The following KHDRBS3 variants were observed in gnomAD, a reference collection of about 807,000 sequenced individuals.
KHDRBS3 encodes the protein KH RNA binding domain containing, signal transduction associated 3.
Under a neutral mutation model 45.6 loss-of-function variants are expected in KHDRBS3, and 23 were observed. That is an observed-to-expected ratio of 0.50 (90% CI 0.36 to 0.72). The LOEUF (loss-of-function observed/expected upper bound fraction) is 0.72, where lower values mean the gene tolerates loss of function less well. Among genes scored for constraint, KHDRBS3 ranks in the 30% least tolerant of loss-of-function variants. The pLI, the probability that KHDRBS3 is intolerant of heterozygous loss-of-function variation, is 0.00. For missense variants in KHDRBS3, 352 were observed against 424.8 expected, an observed-to-expected ratio of 0.83 and a Z score of 1.51; for synonymous variants, 162 against 156.5, an observed-to-expected ratio of 1.04 and a Z score of -0.26.
In KHDRBS3 at chr8:135,598,375, G is replaced by T. The variant is rs1324211476; in HGVS notation, c.808-8580G>T. Among the ~76,000 whole-genome samples, 7 of 152,214 alleles carry T rather than the reference G, an allele frequency of 4.6e-5. No homozygotes were observed. In the East Asian group the frequency reaches 1.3e-3, roughly 29 times the overall value. On this transcript the variant is annotated intron_variant, in intron 6 of 8. Coordinates refer to ENST00000355849, the MANE Select transcript of KHDRBS3 (RefSeq NM_006558.3). ...TGGTAACAACCAGGAGGTATATTAT[G>T]ATTACCATTTTGCAAATTTTAAAAT...
intron 1 of KHDRBS3, among the ~76,000 whole-genome samples, chr8:135,486,239 A>G (rs1206110511): frequency 6.6e-6 from 1 of 152,146 alleles, no homozygotes; most frequent in African/African-American, 2.4e-5. Context: ...TTTTTTCTCT[A>G]GAATGGAAGC....
At chr8:135,559,267 C>A (rs1191589946) in intron 5 of KHDRBS3, among the ~76,000 whole-genome samples, 7 of 152,122 alleles carry the variant, frequency 4.6e-5, no homozygotes, top group Admixed American at 4.6e-4. Flanking sequence ...GAGTGACCTA[C>A]TAGTCTAGTT....
At chr8:135,538,533 A>G (rs1008875933) in intron 2 of KHDRBS3, 2 of 152,192 alleles carry the variant, frequency 1.3e-5, no homozygotes, top group African/African-American at 4.8e-5. Flanking sequence ...TTTTAGGTGC[A>G]CAGGGCTGCT....
intron 1 of KHDRBS3, among the ~76,000 whole-genome samples, chr8:135,496,111 A>G (rs1020257303): frequency 2.0e-5 from 3 of 148,106 alleles, no homozygotes; most frequent in Non-Finnish European, 3.0e-5. Context: ...AACTACAGCT[A>G]GAGAGATATA....
chr8:135,551,384 T>A (rs1200939170), intron 4 of KHDRBS3, among the ~76,000 whole-genome samples: 2 of 152,206 alleles, frequency 1.3e-5, no homozygotes, highest in Admixed American at 6.5e-5. Flanking sequence ...AGGTTTTTTT[T>A]ATTGCTACCC....
intron 1 of KHDRBS3, among the ~76,000 whole-genome samples, chr8:135,467,469 T>C (rs1393379383): frequency 2.6e-5 from 4 of 152,272 alleles, no homozygotes; most frequent in African/African-American, 7.2e-5. Context: ...ATCACACATT[T>C]CGTGTAGTGT....
chr8:135,595,147 C>A (rs545949161), intron 6 of KHDRBS3, among the ~76,000 whole-genome samples: 1 of 152,092 alleles, frequency 6.6e-6, no homozygotes. Flanking sequence ...AGCTCAAAGC[C>A]GGCAAAACTC....
intron 7 of KHDRBS3, among the ~76,000 whole-genome samples, chr8:135,622,379 T>G (rs1206006107): frequency 6.6e-6 from 1 of 152,200 alleles, no homozygotes; most frequent in African/African-American, 2.4e-5. Flanking sequence ...GCTGCATATT[T>G]GAAGAGTGAG....
intron 1 of KHDRBS3, among the ~76,000 whole-genome samples, chr8:135,474,471 A>G (rs1353008716): frequency 6.6e-6 from 1 of 152,164 alleles, no homozygotes; most frequent in East Asian, 1.9e-4. Context: ...AAACTCAGGT[A>G]CTTCTGTGCT....
intron 1 of KHDRBS3, among the ~76,000 whole-genome samples, chr8:135,477,940 A>G (rs1445088307): frequency 1.3e-5 from 2 of 152,138 alleles, no homozygotes; most frequent in Non-Finnish European, 2.9e-5. Context: ...GCAGGAGGTG[A>G]GTGGCTGGTG....
rs558904267 is a variant in KHDRBS3, at chr8:135,616,734, T to A, written c.890+9697T>A. ...TGACAGGGTTTCTAAAAAGCGCTTG[T>A]GTTGATGACCAAACCTCCAGTTTTA... On this transcript the variant is annotated intron_variant, in intron 7 of 8. Coordinates refer to ENST00000355849, the MANE Select transcript of KHDRBS3 (RefSeq NM_006558.3). Among the ~76,000 whole-genome samples, 9 of 152,334 alleles carry A rather than the reference T, an allele frequency of 5.9e-5. No homozygotes were observed. In the South Asian group the frequency reaches 1.9e-3, roughly 32 times the overall value.
chr8:135,486,174 T>C (rs2130369847), intron 1 of KHDRBS3, among the ~76,000 whole-genome samples: 1 of 152,188 alleles, frequency 6.6e-6, no homozygotes, highest in Non-Finnish European at 1.5e-5. Context: ...GGTGATGAGG[T>C]GAGTCTCTTT....
At chr8:135,526,727 A>C (rs549719567) in intron 2 of KHDRBS3, among the ~76,000 whole-genome samples, 7 of 152,198 alleles carry the variant, frequency 4.6e-5, no homozygotes, top group African/African-American at 1.7e-4. Flanking sequence ...CCATTAATTG[A>C]ATAATTTCTC....
chr8:135,522,901 A>G (rs1386204957), intron 2 of KHDRBS3, among the ~76,000 whole-genome samples: 1 of 152,040 alleles, frequency 6.6e-6, no homozygotes, highest in Non-Finnish European at 1.5e-5. Context: ...TTCTTGCACT[A>G]TTTGTTGAAA....
At chr8:135,636,181 T>G (rs937031158) in intron 7 of KHDRBS3, among the ~76,000 whole-genome samples, 7 of 152,166 alleles carry the variant, frequency 4.6e-5, no homozygotes, top group Admixed American at 2.6e-4. Context: ...GGCCTCACAA[T>G]GTAAGAAATG....
intron 1 of KHDRBS3, among the ~76,000 whole-genome samples, chr8:135,502,128 C>T (rs1213851446): frequency 6.6e-6 from 1 of 152,140 alleles, no homozygotes; most frequent in Non-Finnish European, 1.5e-5. Flanking sequence ...AGTCACAGGG[C>T]ATTGCCATTA....
chr8:135,463,295 A>G (rs1821525638), intron 1 of KHDRBS3, among the ~76,000 whole-genome samples: 1 of 152,156 alleles, frequency 6.6e-6, no homozygotes, highest in Non-Finnish European at 1.5e-5. Context: ...ATCAGAAAGT[A>G]TATTTGGAAT....
intron 2 of KHDRBS3, among the ~76,000 whole-genome samples, chr8:135,529,547 T>C (rs745611009): frequency 2.0e-5 from 3 of 152,116 alleles, no homozygotes; most frequent in Non-Finnish European, 2.9e-5. Flanking sequence ...TAAAGTGAAA[T>C]CCAAAAACAG....
intron 2 of KHDRBS3, among the ~76,000 whole-genome samples, chr8:135,529,206 A>G (rs1458481419): frequency 6.6e-6 from 1 of 152,192 alleles, no homozygotes; most frequent in Non-Finnish European, 1.5e-5. Context: ...GTCAACCTAC[A>G]TCTTGTAGTG....
Sources: allele counts gnomAD v4.1 joint callset (sites outside exome capture counted in the v4.1 genomes callset), GRCh38; gene constraint gnomAD v4.1.1; transcripts MANE v1.5; gene names NCBI Gene and HGNC (gene_info 2026-07-23, HGNC 2026-07-21).